ASPRV1: variants seen among roughly 807,000 people sequenced by gnomAD.
ASPRV1 encodes retroviral-like aspartic protease 1.
Under a neutral mutation model 11.0 loss-of-function variants are expected in ASPRV1, and 7 were observed. The ratio of observed to expected loss-of-function variants is 0.64; its 90% CI spans 0.36 to 1.20. The LOEUF is 1.20. Ranked by LOEUF, ASPRV1 falls within the 50% of genes most tolerant of loss-of-function variation. The probability of loss-of-function intolerance (pLI) is 0.02; values close to 1 mark genes in which losing one functional copy is unlikely to be tolerated. For synonymous variants in ASPRV1, 136 were observed against 138.4 expected (o/e 0.98, Z 0.12); for missense variants, 299 against 320.0 (o/e 0.93, Z 0.50).
the ASPRV1 span, among the ~76,000 whole-genome samples, chr2:69,953,126 G>A: frequency 1.3e-5 from 2 of 152,198 alleles, no homozygotes; most frequent in African/African-American, 4.8e-5. Context: ...TCATTTTACT[G>A]GGCCAAAAGC....
At chr2:70,065,335 G>C in the ASPRV1 span, among the ~76,000 whole-genome samples, 1 of 132,072 alleles carries the variant, frequency 7.6e-6, no homozygotes, top group Non-Finnish European at 1.5e-5. Flanking sequence ...AGCTTGCAAT[G>C]AGCCGAGATG....
the ASPRV1 span, among the ~76,000 whole-genome samples, chr2:70,074,365 T>C: frequency 6.7e-6 from 1 of 150,298 alleles, no homozygotes; most frequent in African/African-American, 2.4e-5. Context: ...CTTGGCTCAC[T>C]GCAACCTCTG....
the ASPRV1 span, among the ~76,000 whole-genome samples, chr2:69,994,997 G>A: frequency 7.9e-5 from 12 of 151,492 alleles, no homozygotes; most frequent in South Asian, 8.3e-4. Flanking sequence ...GCGAGACTCC[G>A]TCTCAAAAAA....
At chr2:70,082,578 C>T in the ASPRV1 span, among the ~76,000 whole-genome samples, 12 of 151,986 alleles carry the variant, frequency 7.9e-5, no homozygotes, top group South Asian at 1.9e-3. Flanking sequence ...GGTGTGGCGG[C>T]ACATGCCTGT....
chr2:70,057,136 T>C, the ASPRV1 span, among the ~76,000 whole-genome samples: 1 of 151,786 alleles, frequency 6.6e-6, no homozygotes, highest in Non-Finnish European at 1.5e-5. Context: ...GCATGGTGGC[T>C]CATGCCTGTA....
the ASPRV1 span, chr2:70,056,078 A>G: frequency 0.15 from 23,134 of 152,166 alleles, 2,729 homozygotes; most frequent in East Asian, 0.3. Flanking sequence ...GCTAAGTAAA[A>G]TAAGCCCATC....
chr2:69,946,762 G>T, the ASPRV1 span, among the ~76,000 whole-genome samples: 1 of 152,198 alleles, frequency 6.6e-6, no homozygotes, highest in African/African-American at 2.4e-5. Flanking sequence ...AAACCGAAAG[G>T]GGGAGCAGAG....
the ASPRV1 span, among the ~76,000 whole-genome samples, chr2:70,065,819 C>CAAAAAAAAAAAAA: frequency 8.3e-4 from 56 of 67,404 alleles, no homozygotes; most frequent in East Asian, 1.5e-3. Context: ...GCTTTTGACT[C>CAAAAAAAAAAAAA]AAAAAAAAAA....
the ASPRV1 span, among the ~76,000 whole-genome samples, chr2:70,058,026 G>GC: frequency 1.3e-5 from 2 of 151,504 alleles, no homozygotes; most frequent in Non-Finnish European, 2.9e-5. Context: ...ATCGTGATCT[G>GC]CCCACCTCAA....
the ASPRV1 span, chr2:70,046,160 CAT>C: frequency 6.6e-5 from 10 of 152,358 alleles, no homozygotes; most frequent in African/African-American, 1.7e-4. Flanking sequence ...CTAGTCAGCA[CAT>C]GTCACTTCCT....
the ASPRV1 span, among the ~76,000 whole-genome samples, chr2:69,995,016 TA>T: frequency 6.2e-5 from 9 of 145,016 alleles, no homozygotes; most frequent in African/African-American, 2.3e-4. Context: ...AATAAATAAA[TA>T]AATTAATTAA....
the ASPRV1 span, among the ~76,000 whole-genome samples, chr2:70,078,433 G>A: frequency 9.2e-5 from 14 of 152,190 alleles, no homozygotes; most frequent in African/African-American, 3.1e-4. Flanking sequence ...AAACAGGGAA[G>A]GGGAGCAGAG....
the ASPRV1 span, among the ~76,000 whole-genome samples, chr2:70,012,511 G>A: frequency 0.024 from 3,704 of 152,030 alleles, 347 homozygotes; most frequent in Admixed American, 0.17. Context: ...TTCACTTTGC[G>A]GACATTTGCA....
chr2:69,967,380 T>G, the ASPRV1 span, among the ~76,000 whole-genome samples: 1 of 151,824 alleles, frequency 6.6e-6, no homozygotes. Flanking sequence ...AAAACAAACA[T>G]GAAAGGAATA....
At chr2:70,008,442 C>T in the ASPRV1 span, among the ~76,000 whole-genome samples, 1 of 129,076 alleles carries the variant, frequency 7.7e-6, no homozygotes, top group South Asian at 2.6e-4. Context: ...ATGAGGCTGC[C>T]GATGAAGTCA....
the ASPRV1 span, chr2:70,054,227 G>C: frequency 6.6e-6 from 1 of 152,230 alleles, no homozygotes; most frequent in African/African-American, 2.4e-5. Context: ...AGGAGACGGA[G>C]GTTGCAGTAA....
At chr2:69,946,645 G>T in the ASPRV1 span, among the ~76,000 whole-genome samples, 9 of 152,316 alleles carry the variant, frequency 5.9e-5, no homozygotes, top group African/African-American at 2.2e-4. Context: ...AACACTCAGA[G>T]AAGAAATAAG....
the ASPRV1 span, among the ~76,000 whole-genome samples, chr2:70,038,977 G>A: frequency 6.6e-6 from 1 of 152,022 alleles, no homozygotes; most frequent in African/African-American, 2.4e-5. Flanking sequence ...TACTTGGGAG[G>A]CTGAGGTAGG....
At chr2:69,966,081 G>A (rs188703367), upstream of ASPRV1, among the ~76,000 whole-genome samples, 21 of 152,314 alleles carry the variant, frequency 1.4e-4, no homozygotes, top group East Asian at 3.7e-3. Flanking sequence ...AACCCTGGGG[G>A]GTCCTGGAGG....
Sources: gnomAD v4.1 joint callset for allele counts (sites outside exome capture counted in the v4.1 genomes callset) on GRCh38, gnomAD v4.1.1 for gene constraint, MANE v1.5 for transcripts, NCBI Gene and HGNC (gene_info 2026-07-23, HGNC 2026-07-21) for gene names.